Variants in IST1 observed in about 807,000 individuals in gnomAD.
IST1 encodes IST1 factor associated with ESCRT-III.
Under a neutral mutation model 37.0 loss-of-function variants are expected in IST1, and 23 were observed. The ratio of observed to expected loss-of-function variants is 0.62; its 90% CI spans 0.45 to 0.88. The LOEUF is 0.88. IST1 is among the 40% of genes least tolerant of loss of function. The probability of loss-of-function intolerance (pLI) is 0.00; values close to 1 mark genes in which losing one functional copy is unlikely to be tolerated. For synonymous variants in IST1, 180 were observed against 161.7 expected, an observed-to-expected ratio of 1.11 and a Z score of -0.86; for missense variants, 488 against 445.4, an observed-to-expected ratio of 1.10 and a Z score of -0.86.
intron 1 of IST1, among the ~76,000 whole-genome samples, chr16:71,900,327 CTTTTT>C (rs201344260): frequency 1.0e-5 from 1 of 100,470 alleles, no homozygotes; most frequent in Non-Finnish European, 1.8e-5. Flanking sequence ...CTTAGGAAGT[CTTTTT>C]TTTTTTTTTT....
rs1359439063 is a variant in IST1 at position 71,923,646 on chromosome 16, T to A, written c.852+266T>A. 9.1e-6 allele frequency: 3 copies of A among 328,252 alleles called. No individual in the cohort carries two copies. In the East Asian group the frequency reaches 2.2e-4, roughly 24 times the overall value. 20.3% of individuals were successfully genotyped at this position (328,252 alleles called of 1,614,324 possible). On this transcript the variant is annotated intron_variant, in intron 8 of 9. Coordinates refer to ENST00000378799, the MANE Select transcript of IST1 (RefSeq NM_001270975.2). ...GATTTCTTAGAAAGTTGTAGTGCTCTATGAGGGCACTTAGCCAGTTGTTTT... is the reference window on the plus strand; with the variant it reads ...GATTTCTTAGAAAGTTGTAGTGCTCAATGAGGGCACTTAGCCAGTTGTTTT...
chr16:71,916,394 G>T, intron 2 of IST1, 68 bp from the exon 3 acceptor site: 1 of 1,484,304 alleles, frequency 6.7e-7, no homozygotes. Context: ...CTGTTGGGGG[G>T]AGATTGGCCT....
chr16:71,927,950 T>C lies in IST1; in HGVS notation c.*137T>C. 3.0e-6 allele frequency: 2 copies of C among 656,404 alleles called. No homozygotes were observed. The highest frequency in any genetic ancestry group is 2.7e-5 in the East Asian group (1 of 37,322). The allele number at this position is 656,404 out of a possible 1,614,324, so 40.7% of individuals were successfully genotyped here. A position where few individuals can be genotyped will look rare whatever the true frequency, so the allele number is the denominator to read the frequency against. ...CAACACTCCCTCTGGGCTCTCTTCC[T>C]GCTCCTCCAGATTCTGCTGCTTTCC... On this transcript the variant is annotated 3_prime_UTR_variant, in exon 10 of 10. Transcript: ENST00000378799.
At position 71,902,032 on chromosome 16, in the gene IST1, T is replaced by C. The variant is rs149722391; in HGVS notation, c.-16+6443T>C. On this transcript the variant is annotated intron_variant, in intron 1 of 9. Coordinates refer to ENST00000378799, the MANE Select transcript of IST1 (RefSeq NM_001270975.2). ...ATCTTTAGATGAAGAGCTAAGACTT[T>C]TTAAAATATGGGTCCATTGACTGGA... Among the ~76,000 whole-genome samples the C allele has an allele frequency of 6.6e-5, 10 of 152,360 alleles. No homozygotes were observed. In the South Asian group the frequency reaches 1.0e-3, roughly 16 times the overall value.
At chr16:71,897,339 A>T (rs1025525069) in intron 1 of IST1, among the ~76,000 whole-genome samples, 1 of 152,106 alleles carries the variant, frequency 6.6e-6, no homozygotes, top group African/African-American at 2.4e-5. Flanking sequence ...CCAGTTTCGT[A>T]TATCTTATTT....
At chr16:71,927,128 G>T (rs965153821) in intron 9 of IST1, among the ~76,000 whole-genome samples, 1 of 152,140 alleles carries the variant, frequency 6.6e-6, no homozygotes, top group Non-Finnish European at 1.5e-5. Context: ...CTCACCACAG[G>T]AAAGTAAAAC....
At position 71,915,748 on chromosome 16, in the gene IST1, T is replaced by TC. The variant is rs765799802; in HGVS notation, c.88+24dup. On this transcript the variant is annotated intron_variant, in intron 2 of 9. Coordinates refer to ENST00000378799, the MANE Select transcript of IST1 (RefSeq NM_001270975.2). ...AGAAAAGTGAGTAGTGTACTTTTTTTCCCCAAAAATAAATCACTGGATACT... is the reference window on the plus strand; with the variant it reads ...AGAAAAGTGAGTAGTGTACTTTTTTTCCCCCAAAAATAAATCACTGGATACT... The TC allele has an allele frequency of 5.3e-6, 8 of 1,513,718 alleles. No homozygotes were observed. The East Asian group carries it at 1.8e-4, about 34-fold the overall frequency. 93.8% of individuals were successfully genotyped at this position (1,513,718 alleles called of 1,614,324 possible). A position where few individuals can be genotyped will look rare whatever the true frequency, so the allele number is the denominator to read the frequency against.
At chr16:71,923,030 G>GT (rs2037645205) in intron 7 of IST1, 1 of 467,034 alleles carries the variant, frequency 2.1e-6, no homozygotes, top group Admixed American at 3.9e-5. Context: ...GTCATTGGTA[G>GT]TAAGAAAGTC....
chr16:71,905,118 C>T (rs1271482031), intron 1 of IST1, among the ~76,000 whole-genome samples: 1 of 151,970 alleles, frequency 6.6e-6, no homozygotes, highest in Non-Finnish European at 1.5e-5. Flanking sequence ...TCACTGCAGC[C>T]TCTGCCTCCC....
intron 1 of IST1, among the ~76,000 whole-genome samples, chr16:71,907,304 C>G (rs749044064): frequency 6.4e-5 from 9 of 140,076 alleles, no homozygotes; most frequent in Non-Finnish European, 1.5e-5. Flanking sequence ...TTGAGACAGT[C>G]TCTCTCTCTG....
chr16:71,898,831 G>A (rs1325265481), intron 1 of IST1, among the ~76,000 whole-genome samples: 1 of 151,816 alleles, frequency 6.6e-6, no homozygotes, highest in African/African-American at 2.4e-5. Flanking sequence ...AAAAAAATTA[G>A]CGGGGTGCCT....
Position 71,926,816 on chromosome 16 carries a change from A to G in IST1, c.902-798A>G, listed in dbSNP as rs1320360617. Among the ~76,000 whole-genome samples the G allele has an allele frequency of 2.0e-5, 3 of 152,168 alleles. No individual in the cohort carries two copies. In the East Asian group the frequency reaches 5.8e-4, roughly 29 times the overall value. ...TTAGTTTTCCTGAATCTAGAACTTA[A>G]GGAAACATACAGTAGATGTGTGTGG... On this transcript the variant is annotated intron_variant, in intron 9 of 9. Coordinates refer to ENST00000378799, the MANE Select transcript of IST1 (RefSeq NM_001270975.2).
Position 71,929,326 on chromosome 16 carries a change from G to C in IST1, c.*1513G>C. On this transcript the variant is annotated 3_prime_UTR_variant, in exon 10 of 10. Coordinates refer to ENST00000378799, the MANE Select transcript of IST1 (RefSeq NM_001270975.2). Reference sequence around the variant, plus strand: ...TGGGTGGTGAGTTCTGTTACTTGCTGCTTGGCAGCAGAGCTAGTTTGTCTC... The same window carrying C: ...TGGGTGGTGAGTTCTGTTACTTGCTCCTTGGCAGCAGAGCTAGTTTGTCTC... The C allele has an allele frequency of 2.2e-6, 1 of 446,860 alleles. No homozygotes were observed. The highest frequency in any genetic ancestry group is 2.0e-5 in the African/African-American group (1 of 50,208). 27.7% of individuals were successfully genotyped at this position (446,860 alleles called of 1,614,324 possible). A position where few individuals can be genotyped will look rare whatever the true frequency, so the allele number is the denominator to read the frequency against.
chr16:71,916,412 A>G lies in IST1; in HGVS notation c.89-50A>G, dbSNP rs771788864. On this transcript the variant is annotated intron_variant, in intron 2 of 9. Coordinates refer to ENST00000378799, the MANE Select transcript of IST1 (RefSeq NM_001270975.2). ...TTGGGGGGAGATTGGCCTGTAGGCC[A>G]GATGCAAGTGCTCTACTGCTGTGAG... The G allele has an allele frequency of 8.8e-6, 14 of 1,583,036 alleles. No homozygotes were observed. In the African/African-American group the frequency reaches 1.6e-4, roughly 18 times the overall value.
At chr16:71,897,967 C>T (rs2037013844) in intron 1 of IST1, among the ~76,000 whole-genome samples, 1 of 152,094 alleles carries the variant, frequency 6.6e-6, no homozygotes, top group Non-Finnish European at 1.5e-5. Flanking sequence ...AAAATTATTA[C>T]TGAGTGGAAT....
Position 71,916,401 on chromosome 16 carries a change from G to A in IST1, c.89-61G>A, listed in dbSNP as rs878987797. ...AGTTCTTCCTGTTGGGGGGAGATTG[G>A]CCTGTAGGCCAGATGCAAGTGCTCT... On this transcript the variant is annotated intron_variant, in intron 2 of 9. Transcript: ENST00000378799. The A allele has an allele frequency of 2.5e-5, 38 of 1,539,832 alleles. 1 individual carries two copies. The South Asian group carries it at 4.2e-4, about 17-fold the overall frequency.
upstream of IST1, chr16:71,894,718 T>TTA: frequency 3.5e-6 from 2 of 567,560 alleles, no homozygotes; most frequent in Admixed American, 3.4e-5. Flanking sequence ...TTTTTTTTTG[T>TTA]AGCGATGCGG....
intron 1 of IST1, among the ~76,000 whole-genome samples, chr16:71,904,119 T>TTGG (rs756368069): frequency 3.3e-5 from 5 of 152,096 alleles, no homozygotes; most frequent in African/African-American, 4.8e-5. Context: ...TTCTATTTGT[T>TTGG]TGGTGGTGGT....
At chr16:71,895,926 C>T (rs1423023049) in intron 1 of IST1, among the ~76,000 whole-genome samples, 1 of 152,188 alleles carries the variant, frequency 6.6e-6, no homozygotes, top group Non-Finnish European at 1.5e-5. Flanking sequence ...GCCGCGGCCT[C>T]GGCGAGGGCT....
Sources: gnomAD v4.1 joint callset for allele counts (sites outside exome capture counted in the v4.1 genomes callset) on GRCh38, gnomAD v4.1.1 for gene constraint, MANE v1.5 for transcripts, NCBI Gene and HGNC (gene_info 2026-07-23, HGNC 2026-07-21) for gene names.